The following SUPV3L1 variants were observed in gnomAD, a reference collection of about 807,000 sequenced individuals.
SUPV3L1 encodes Suv3 like RNA helicase.
Under a neutral mutation model 70.0 loss-of-function variants are expected in SUPV3L1, and 35 were observed. The ratio of observed to expected loss-of-function variants is 0.50; its 90% CI spans 0.38 to 0.66. SUPV3L1 has a LOEUF of 0.66. Among genes scored for constraint, SUPV3L1 ranks in the 30% least tolerant of loss-of-function variants. The pLI, the probability that SUPV3L1 is intolerant of heterozygous loss-of-function variation, is 0.00. For missense variants in SUPV3L1, 777 were observed against 961.5 expected, an observed-to-expected ratio of 0.81 and a Z score of 2.54; for synonymous variants, 364 against 341.9, an observed-to-expected ratio of 1.06 and a Z score of -0.71.
chr10:69,208,450 C>T, intron 14 of SUPV3L1, 150 bp from the exon 15 acceptor site: 1 of 823,818 alleles, frequency 1.2e-6, no homozygotes, highest in East Asian at 2.6e-5. Flanking sequence ...TATGTGGGGG[C>T]AGAAATCAAG....
chr10:69,199,046 A>T, intron 9 of SUPV3L1, 58 bp from the exon 10 acceptor site: 1 of 1,338,724 alleles, frequency 7.5e-7, no homozygotes, highest in South Asian at 1.3e-5. Flanking sequence ...AGATGTACTT[A>T]GCTTGATGTA....
At chr10:69,184,656 G>GACACACACAC in intron 1 of SUPV3L1, among the ~76,000 whole-genome samples, 1 of 88,550 alleles carries the variant, frequency 1.1e-5, no homozygotes, top group Non-Finnish European at 2.7e-5. Context: ...CACACACTGT[G>GACACACACAC]TGTGTATGTG....
At chr10:69,190,818 A>C (rs1188082456) in intron 5 of SUPV3L1, among the ~76,000 whole-genome samples, 1 of 152,156 alleles carries the variant, frequency 6.6e-6, no homozygotes, top group Non-Finnish European at 1.5e-5. Flanking sequence ...GTGTTTCCCC[A>C]TGATTAGATT....
chr10:69,183,043 T>C (rs536003415), intron 1 of SUPV3L1, among the ~76,000 whole-genome samples: 1 of 152,274 alleles, frequency 6.6e-6, no homozygotes, highest in African/African-American at 2.4e-5. Flanking sequence ...ACCAGGTGTC[T>C]CCACTTGTCT....
Position 69,208,851 on chromosome 10 carries a change from C to T in SUPV3L1, c.2177C>T (p.Pro726Leu), listed in dbSNP as rs187579657. The change falls in exon 15 of 15, where the codon CCC (proline) becomes CTC (leucine). Residue 726 changes from proline to leucine, a missense_variant. By Grantham distance (98) the Pro-to-Leu change is moderately conservative. This residue lies in a region of SUPV3L1 where 619 missense variants were observed against 823.3 expected (regional missense o/e 0.75). Coordinates refer to ENST00000359655, the MANE Select transcript of SUPV3L1 (RefSeq NM_003171.5). ...AGTAAAGCTACTGAGCCACCCAGCC[C>T]CGATGCAGGAGAGCTGTCCCTTGCT... is the stretch of plus-strand genomic sequence containing the variant. ...LGSKATEPPSPDAGELSLASR... is the reference protein window; with the variant it reads ...LGSKATEPPSLDAGELSLASR... 6.2e-6 allele frequency: 10 copies of T among 1,614,140 alleles called. No individual in the cohort carries two copies. In the East Asian group the frequency reaches 2.2e-4, roughly 36 times the overall value.
In SUPV3L1 at chr10:69,189,252, C is replaced by A; in HGVS notation, c.573-15C>A. 1.2e-6 allele frequency: 2 copies of A among 1,608,172 alleles called. No individual in the cohort carries two copies. The highest frequency in any genetic ancestry group is 2.2e-5 in the East Asian group (1 of 44,676). ...GAGGTTAATGGATTAAGCTGTTTAC[C>A]TACTCATGTTTTAGGTACCCAGATG... On this transcript the variant is annotated splice_polypyrimidine_tract_variant and intron_variant, in intron 4 of 14. Coordinates refer to ENST00000359655, the MANE Select transcript of SUPV3L1 (RefSeq NM_003171.5).
chr10:69,198,330 G>C lies in SUPV3L1; in HGVS notation c.1024-42G>C, dbSNP rs763340700. The C allele has an allele frequency of 3.3e-5, 51 of 1,551,242 alleles. No individual in the cohort carries two copies. The South Asian group carries it at 6.3e-4, about 19-fold the overall frequency. ...ACTTAATTACTAGTCACAAGAAGTT[G>C]AGTTGGGTGTGTCATTTTGCCATTT... is the stretch of plus-strand genomic sequence containing the variant. On this transcript the variant is annotated intron_variant, in intron 8 of 14. Coordinates refer to ENST00000359655, the MANE Select transcript of SUPV3L1 (RefSeq NM_003171.5).
chr10:69,190,787 C>T (rs1842370205), intron 5 of SUPV3L1, among the ~76,000 whole-genome samples: 1 of 152,182 alleles, frequency 6.6e-6, no homozygotes, highest in African/African-American at 2.4e-5. Context: ...TGTGAACTGT[C>T]TCTCAGTTTG....
At chr10:69,194,764 C>T (rs770343348) in intron 6 of SUPV3L1, among the ~76,000 whole-genome samples, 1 of 151,614 alleles carries the variant, frequency 6.6e-6, no homozygotes, top group Non-Finnish European at 1.5e-5. Context: ...GACAGTGAGA[C>T]ACTGTTAGGA....
chr10:69,206,326 T>G (rs1842826967), intron 13 of SUPV3L1, among the ~76,000 whole-genome samples: 1 of 152,178 alleles, frequency 6.6e-6, no homozygotes, highest in African/African-American at 2.4e-5. Context: ...GCTCTTCCTC[T>G]CTGAAGTATT....
chr10:69,199,245 T>TGG, intron 10 of SUPV3L1, 48 bp downstream of exon 10: 1 of 1,443,790 alleles, frequency 6.9e-7, no homozygotes, highest in Non-Finnish European at 9.5e-7. Flanking sequence ...AGTTAAATGG[T>TGG]GGTTTTTTTG....
At chr10:69,186,335 AAAAAAAAAAG>A (rs201719697) in intron 2 of SUPV3L1, 98 bp from the exon 3 acceptor site, 30,402 of 743,756 alleles carry the variant, frequency 0.041, 1,275 homozygotes, top group Middle Eastern at 0.071. Context: ...CAAAAAAAAA[AAAAAAAAAAG>A]AAAAAAAAAG....
intron 11 of SUPV3L1, 42 bp from the exon 12 acceptor site, chr10:69,202,397 A>T (rs376034823): frequency 5.1e-5 from 80 of 1,574,298 alleles, no homozygotes; most frequent in Non-Finnish European, 1.3e-5. Context: ...CTTTTTGAAA[A>T]AAAAAAAATC....
At chr10:69,181,154 G>C (rs1221407479) in intron 1 of SUPV3L1, among the ~76,000 whole-genome samples, 1 of 152,224 alleles carries the variant, frequency 6.6e-6, no homozygotes, top group Non-Finnish European at 1.5e-5. Flanking sequence ...GCTCCAGAGA[G>C]AAAAGAAGAG....
Position 69,208,674 on chromosome 10 carries a change from A to G in SUPV3L1, c.2000A>G (p.Gln667Arg), listed in dbSNP as rs745694115. 3.7e-6 allele frequency: 6 copies of G among 1,614,236 alleles called. No homozygotes were observed. The South Asian group carries it at 6.6e-5, about 18-fold the overall frequency. ...DLQKELDGII[Q>R]DGVHNITKLI... is the part of the protein sequence containing the mutation. ...CAGAAAGAACTAGATGGTATTATCC[A>G]AGATGGTGTGCACAATATCACTAAA... Residue 667 changes from glutamine (Q) to arginine (R), a missense_variant, in exon 15 of 15, where the codon CAA (glutamine) becomes CGA (arginine). Physicochemically the swap from Gln to Arg is conservative, Grantham distance 43. This residue lies in a region of SUPV3L1 where 619 missense variants were observed against 823.3 expected (regional missense o/e 0.75). Transcript: ENST00000359655.
At chr10:69,200,241 T>C in intron 10 of SUPV3L1, 39 bp from the exon 11 acceptor site, 1 of 1,567,890 alleles carries the variant, frequency 6.4e-7, no homozygotes, top group East Asian at 2.2e-5. Context: ...TGGAGGGTTT[T>C]TCATACAGTC....
chr10:69,198,660 T>A (rs1351278067), intron 9 of SUPV3L1, 108 bp downstream of exon 9: 2 of 1,023,714 alleles, frequency 2.0e-6, no homozygotes, highest in Non-Finnish European at 2.9e-6. Context: ...AGCTGCTTGA[T>A]GTATTGGTAA....
At chr10:69,182,519 G>A in intron 1 of SUPV3L1, 8 of 985,308 alleles carry the variant, frequency 8.1e-6, no homozygotes, top group Non-Finnish European at 9.6e-6. Context: ...ATTTTCTGCA[G>A]CTATTCCAAT....
chr10:69,202,451 C>T lies in SUPV3L1; in HGVS notation c.1531C>T (p.His511Tyr). The change falls in exon 12 of 15, where the codon CAT becomes TAT. Residue 511 changes from histidine (H) to tyrosine (Y), a missense_variant. This residue lies in a region of SUPV3L1 where 619 missense variants were observed against 823.3 expected (regional missense o/e 0.75). Coordinates refer to ENST00000359655, the MANE Select transcript of SUPV3L1 (RefSeq NM_003171.5). ...PVDPIRAAGL[H>Y]PTAEQIEMFA... is the part of the protein sequence containing the mutation. ...CTTTTACTAAAAGGCAGCTGGTCTTCATCCAACTGCTGAGCAGATTGAAAT... is the reference window on the plus strand; with the variant it reads ...CTTTTACTAAAAGGCAGCTGGTCTTTATCCAACTGCTGAGCAGATTGAAAT... 6.2e-7 allele frequency: 1 copy of T among 1,610,930 alleles called. No individual in the cohort carries two copies. The highest frequency in any genetic ancestry group is 8.5e-7 in the Non-Finnish European group (1 of 1,178,130).
Sources: gnomAD v4.1 joint callset for allele counts (sites outside exome capture counted in the v4.1 genomes callset) on GRCh38, gnomAD v4.1.1 for gene constraint, gnomAD v4.1.1 regional missense constraint, MANE v1.5 for transcripts, NCBI Gene and HGNC (gene_info 2026-07-23, HGNC 2026-07-21) for gene names.